FLRT2: variants seen among roughly 807,000 people sequenced by gnomAD.
FLRT2 encodes the protein leucine-rich repeat transmembrane protein FLRT2.
A neutral mutation model predicts 40.0 loss-of-function variants in FLRT2; 15 were observed. That is an observed-to-expected ratio of 0.38 (90% CI 0.25 to 0.58). FLRT2 has a LOEUF of 0.58. Ranked by LOEUF, FLRT2 falls within the 20% of genes least tolerant of loss-of-function variation. The pLI, the probability that FLRT2 is intolerant of heterozygous loss-of-function variation, is 0.71. For synonymous variants in FLRT2, 380 were observed against 336.8 expected (o/e 1.13, Z -1.41); for missense variants, 726 against 840.0 (o/e 0.86, Z 1.68).
intron 1 of FLRT2, among the ~76,000 whole-genome samples, chr14:85,547,083 A>C (rs1265302020): frequency 6.6e-6 from 1 of 151,894 alleles, no homozygotes; most frequent in Non-Finnish European, 1.5e-5. Flanking sequence ...CTGCACACCA[A>C]TTACATTACT....
At chr14:85,549,501 C>A (rs2139822373) in intron 1 of FLRT2, among the ~76,000 whole-genome samples, 1 of 152,212 alleles carries the variant, frequency 6.6e-6, no homozygotes, top group East Asian at 1.9e-4. Flanking sequence ...GGGGAATATC[C>A]CATTTCATAA....
Position 85,626,559 on chromosome 14 carries a change from G to T in FLRT2, c.*3062G>T, listed in dbSNP as rs1484378444. 6.0e-6 allele frequency: 1 copy of T among 167,080 alleles called. No individual in the cohort carries two copies. The highest frequency in any genetic ancestry group is 1.5e-5 in the Non-Finnish European group (1 of 68,126). The allele number at this position is 167,080 out of a possible 1,614,324, so 10.3% of individuals were successfully genotyped here. ...ATATTGACAGTTATCTATAGCCAGG[G>T]TAGTTGTTAATACCTGCTTGTTTGG... On this transcript the variant is annotated 3_prime_UTR_variant, in exon 2 of 2. Transcript: ENST00000330753.
At position 85,652,302 on chromosome 14, in the gene FLRT2, T is replaced by C. The variant is rs190108700; in HGVS notation, c.*28805T>C. ...TTAAGTGCTCTGATATGCAGTAATA[T>C]TTATATTGAGAAGCAACTTTTTTAA... On this transcript the variant is annotated 3_prime_UTR_variant, in exon 2 of 2. Transcript: ENST00000330753. 6.6e-6 allele frequency: 1 copy of C among 152,116 alleles called. No homozygotes were observed. Among genetic ancestry groups the C allele is most frequent in the African/African-American group, 2.4e-5 (1 of 41,452 alleles). 9.4% of individuals were successfully genotyped at this position (152,116 alleles called of 1,614,324 possible). A position where few individuals can be genotyped will look rare whatever the true frequency, so the allele number is the denominator to read the frequency against.
rs1216094372 is a variant in FLRT2, at chr14:85,624,289, A to G, written c.*792A>G. 5 of 167,116 alleles carry G rather than the reference A, an allele frequency of 3.0e-5. No homozygotes were observed. In the Admixed American group the frequency reaches 3.3e-4, roughly 11 times the overall value. 10.4% of individuals were successfully genotyped at this position (167,116 alleles called of 1,614,324 possible). A position where few individuals can be genotyped will look rare whatever the true frequency, so the allele number is the denominator to read the frequency against. On this transcript the variant is annotated 3_prime_UTR_variant, in exon 2 of 2. Coordinates refer to ENST00000330753, the MANE Select transcript of FLRT2 (RefSeq NM_013231.6). ...ATGTTGTAGCAAGAAGACTCCCTTTAAAAGTGTTACTGTTCAAATCATATA... is the reference window on the plus strand; with the variant it reads ...ATGTTGTAGCAAGAAGACTCCCTTTGAAAGTGTTACTGTTCAAATCATATA...
At chr14:85,551,299 G>T (rs893353139) in intron 1 of FLRT2, among the ~76,000 whole-genome samples, 1 of 152,138 alleles carries the variant, frequency 6.6e-6, no homozygotes, top group East Asian at 1.9e-4. Flanking sequence ...TGGTATGTGG[G>T]ACCATTTGAT....
chr14:85,543,423 G>C (rs892803827), intron 1 of FLRT2, among the ~76,000 whole-genome samples: 2 of 151,868 alleles, frequency 1.3e-5, no homozygotes, highest in African/African-American at 4.8e-5. Flanking sequence ...CTAGATATCA[G>C]GGCTGGCTTC....
At chr14:85,611,268 A>ACG (rs1892845329) in intron 1 of FLRT2, among the ~76,000 whole-genome samples, 1 of 5,176 alleles carries the variant, frequency 1.9e-4, no homozygotes, top group Non-Finnish European at 4.9e-4. Flanking sequence ...GCTTCATCAG[A>ACG]CACAGTGGCC....
chr14:85,608,872 T>C (rs1355847534), intron 1 of FLRT2, among the ~76,000 whole-genome samples: 1 of 152,164 alleles, frequency 6.6e-6, no homozygotes, highest in Admixed American at 6.5e-5. Context: ...GATCTAATTG[T>C]TCAAAAGCTA....
At chr14:85,547,144 A>T (rs1889321152) in intron 1 of FLRT2, among the ~76,000 whole-genome samples, 1 of 152,072 alleles carries the variant, frequency 6.6e-6, no homozygotes, top group African/African-American at 2.4e-5. Context: ...TAGAGGATCA[A>T]GTCTAAACTC....
intron 1 of FLRT2, among the ~76,000 whole-genome samples, chr14:85,565,495 A>G (rs1266605202): frequency 1.3e-5 from 2 of 152,172 alleles, no homozygotes; most frequent in Non-Finnish European, 2.9e-5. Flanking sequence ...GTTTCCCAAT[A>G]TTATTAATAG....
rs1018534378 is a variant in FLRT2 at position 85,639,584 on chromosome 14, A to G, written c.*16087A>G. On this transcript the variant is annotated 3_prime_UTR_variant, in exon 2 of 2. Transcript: ENST00000330753. Reference sequence around the variant, plus strand: ...GATTGATTTATCTCAATCTTCTTGTATAGCTGCTGAATTTTCTCTCATGAG... The same window carrying G: ...GATTGATTTATCTCAATCTTCTTGTGTAGCTGCTGAATTTTCTCTCATGAG... The G allele has an allele frequency of 2.3e-4, 35 of 152,158 alleles. No homozygotes were observed. The highest frequency in any genetic ancestry group is 6.5e-5 in the Admixed American group (1 of 15,276). 9.4% of individuals were successfully genotyped at this position (152,158 alleles called of 1,614,324 possible). A position where few individuals can be genotyped will look rare whatever the true frequency, so the allele number is the denominator to read the frequency against.
rs986614870 is a variant in FLRT2, at chr14:85,574,563, C to T, written c.-377+44029C>T. On this transcript the variant is annotated intron_variant, in intron 1 of 1. Transcript: ENST00000330753. ...AACCATTATACTGGAAATTTGGAGACGCCTTTTCAATTTTTGGTTCCTTTT... is the reference window on the plus strand; with the variant it reads ...AACCATTATACTGGAAATTTGGAGATGCCTTTTCAATTTTTGGTTCCTTTT... Among the ~76,000 whole-genome samples the T allele has an allele frequency of 1.4e-4, 22 of 152,202 alleles. 1 individual carries two copies. Among genetic ancestry groups the T allele is most frequent in the Middle Eastern group, 3.4e-3 (1 of 294 alleles).
chr14:85,632,454 G>C lies in FLRT2; in HGVS notation c.*8957G>C, dbSNP rs1893901986. The C allele has an allele frequency of 8.2e-6, 1 of 121,332 alleles. No individual in the cohort carries two copies. The highest frequency in any genetic ancestry group is 3.5e-5 in the African/African-American group (1 of 28,862). 7.5% of individuals were successfully genotyped at this position (121,332 alleles called of 1,614,324 possible). ...GCCATTGCACTCCAGCCTGGTGACA[G>C]AGTGAGACTCAAAAAAAAAAAAAAA... On this transcript the variant is annotated 3_prime_UTR_variant, in exon 2 of 2. Transcript: ENST00000330753.
chr14:85,558,811 A>G (rs1038931881), intron 1 of FLRT2, among the ~76,000 whole-genome samples: 1 of 152,166 alleles, frequency 6.6e-6, no homozygotes, highest in African/African-American at 2.4e-5. Context: ...TGCATATTTG[A>G]CATGGTTTGT....
intron 1 of FLRT2, among the ~76,000 whole-genome samples, chr14:85,581,346 G>T (rs376440998): frequency 6.6e-6 from 1 of 152,160 alleles, no homozygotes; most frequent in East Asian, 1.9e-4. Flanking sequence ...GCTTCACGTG[G>T]CTCATAACAG....
intron 1 of FLRT2, among the ~76,000 whole-genome samples, chr14:85,539,845 G>A (rs1277949863): frequency 6.6e-6 from 1 of 152,186 alleles, no homozygotes; most frequent in Non-Finnish European, 1.5e-5. Flanking sequence ...TGCCTTTCAG[G>A]AGCTTTCGCT....
At chr14:85,551,848 C>A (rs150733086) in intron 1 of FLRT2, 1 of 151,990 alleles carries the variant, frequency 6.6e-6, no homozygotes, top group Non-Finnish European at 1.5e-5. Flanking sequence ...TTAAAGTTTC[C>A]ATTTTGATTA....
Position 85,596,031 on chromosome 14 carries a change from G to T in FLRT2, c.-376-25108G>T, listed in dbSNP as rs374740474. Among the ~76,000 whole-genome samples the T allele has an allele frequency of 8.2e-4, 125 of 152,236 alleles. 1 individual carries two copies. The highest frequency in any genetic ancestry group is 2.9e-3 in the African/African-American group (119 of 41,550). ...TTGGGATTGGACTGGTTTTCATTCC[G>T]ATTCAGATGGGCTGTGGCTGCATCT... On this transcript the variant is annotated intron_variant, in intron 1 of 1. Coordinates refer to ENST00000330753, the MANE Select transcript of FLRT2 (RefSeq NM_013231.6).
chr14:85,537,976 G>A (rs1048753573), intron 1 of FLRT2, among the ~76,000 whole-genome samples: 7 of 151,748 alleles, frequency 4.6e-5, no homozygotes, highest in Non-Finnish European at 1.0e-4. Context: ...AATTCATCAT[G>A]TTGTGTTCAG....
Sources: allele counts gnomAD v4.1 joint callset (sites outside exome capture counted in the v4.1 genomes callset), GRCh38; gene constraint gnomAD v4.1.1; transcripts MANE v1.5; gene names NCBI Gene and HGNC (gene_info 2026-07-23, HGNC 2026-07-21).